RGL1: variants seen among roughly 807,000 people sequenced by gnomAD.
RGL1 encodes ral guanine nucleotide dissociation stimulator-like 1.
A neutral mutation model predicts 95.2 loss-of-function variants in RGL1; 24 were observed. That is an observed-to-expected ratio of 0.25 (90% CI 0.18 to 0.35). RGL1 has a LOEUF of 0.35. Among genes scored for constraint, RGL1 ranks in the 10% least tolerant of loss-of-function variants. The pLI, the probability that RGL1 is intolerant of heterozygous loss-of-function variation, is 1.00. For missense variants in RGL1, 715 were observed against 936.3 expected (o/e 0.76, Z 3.08); for synonymous variants, 329 against 344.9 (o/e 0.95, Z 0.51).
chr1:183,831,945 A>G (rs1663286944), intron 2 of RGL1, among the ~76,000 whole-genome samples: 1 of 152,194 alleles, frequency 6.6e-6, no homozygotes, highest in African/African-American at 2.4e-5. Flanking sequence ...GGGCATATAC[A>G]CTCATTTCTG....
At chr1:183,850,193 T>C (rs1664748108) in intron 3 of RGL1, among the ~76,000 whole-genome samples, 1 of 152,240 alleles carries the variant, frequency 6.6e-6, no homozygotes, top group African/African-American at 2.4e-5. Context: ...CCTTTTCATA[T>C]CCTTTTGCCT....
chr1:183,671,938 CT>C (rs545807956), intron 1 of RGL1, among the ~76,000 whole-genome samples: 78 of 137,770 alleles, frequency 5.7e-4, no homozygotes, highest in South Asian at 1.8e-3. Context: ...TTTTTTTTTT[CT>C]TTTTTTTTTT....
At chr1:183,851,493 A>G (rs528424762) in intron 3 of RGL1, among the ~76,000 whole-genome samples, 1 of 152,300 alleles carries the variant, frequency 6.6e-6, no homozygotes, top group East Asian at 1.9e-4. Context: ...CTCAGATTAC[A>G]TATGGCTTCA....
At chr1:183,698,309 G>C (rs1014197447) in intron 1 of RGL1, among the ~76,000 whole-genome samples, 1 of 152,146 alleles carries the variant, frequency 6.6e-6, no homozygotes, top group Admixed American at 6.5e-5. Flanking sequence ...GCTTCCAACT[G>C]TTGCTAGTCC....
intron 5 of RGL1, 98 bp downstream of exon 5, chr1:183,880,898 T>G (rs1666789698): frequency 9.0e-7 from 1 of 1,113,158 alleles, no homozygotes. Flanking sequence ...TAGGAAACCT[T>G]GGTACCCTCA....
intron 12 of RGL1, 92 bp from the exon 13 acceptor site, chr1:183,904,758 T>A: frequency 7.7e-7 from 1 of 1,293,400 alleles, no homozygotes; most frequent in South Asian, 1.5e-5. Flanking sequence ...TTTATCCTAA[T>A]GTGGTATATT....
At chr1:183,723,387 C>A (rs184800464) in intron 1 of RGL1, among the ~76,000 whole-genome samples, 1 of 152,354 alleles carries the variant, frequency 6.6e-6, no homozygotes, top group Non-Finnish European at 1.5e-5. Context: ...GTTTTAACTT[C>A]ATGTCACTGA....
intron 1 of RGL1, among the ~76,000 whole-genome samples, chr1:183,713,245 C>T (rs1558167465): frequency 2.0e-5 from 3 of 151,752 alleles, no homozygotes; most frequent in South Asian, 4.2e-4. Context: ...GGGCTGGTCT[C>T]GAACTCCTGA....
chr1:183,801,995 A>G (rs931227844), upstream of RGL1, among the ~76,000 whole-genome samples: 2 of 152,212 alleles, frequency 1.3e-5, no homozygotes, highest in Admixed American at 1.3e-4. Context: ...TTTCAACATA[A>G]GATTATGAGG....
chr1:183,831,406 AG>A (rs747290985), intron 2 of RGL1, among the ~76,000 whole-genome samples: 1 of 152,170 alleles, frequency 6.6e-6, no homozygotes, highest in African/African-American at 2.4e-5. Flanking sequence ...GGAGATAGGT[AG>A]GAAGGGCTTT....
At position 183,663,806 on chromosome 1, in the gene RGL1, G is replaced by A. The variant is rs367885353; in HGVS notation, c.-33+27305G>A. The stretch of plus-strand genomic sequence containing the variant: ...CTATTCACAATAGCAAAGACTTGGA[G>A]CCAACCCAAATGTCCAACAACGATA... On this transcript the variant is annotated intron_variant, in intron 1 of 18. Coordinates refer to the RGL1 transcript ENST00000304685. Among the ~76,000 whole-genome samples, 44 of 150,928 alleles carry A rather than the reference G, an allele frequency of 2.9e-4. 1 individual carries two copies. Among genetic ancestry groups the A allele is most frequent in the East Asian group, 1.2e-3 (6 of 5,164 alleles).
intron 14 of RGL1, among the ~76,000 whole-genome samples, chr1:183,911,792 C>T (rs971667454): frequency 6.6e-6 from 1 of 152,158 alleles, no homozygotes; most frequent in Non-Finnish European, 1.5e-5. Flanking sequence ...TATCTTGATC[C>T]TGCCAAGGTG....
At chr1:183,887,748 G>C (rs996431367) in intron 7 of RGL1, among the ~76,000 whole-genome samples, 1 of 152,114 alleles carries the variant, frequency 6.6e-6, no homozygotes, top group Non-Finnish European at 1.5e-5. Context: ...TTTAAATAGG[G>C]AGCCTCTCTC....
At chr1:183,815,328 T>A (rs540032871) in intron 2 of RGL1, among the ~76,000 whole-genome samples, 71 of 152,258 alleles carry the variant, frequency 4.7e-4, no homozygotes, top group African/African-American at 1.7e-3. Flanking sequence ...AGATAAATGA[T>A]ACTCCTAAAT....
At chr1:183,845,087 A>G (rs1266164639) in intron 2 of RGL1, among the ~76,000 whole-genome samples, 1 of 152,194 alleles carries the variant, frequency 6.6e-6, no homozygotes, top group Non-Finnish European at 1.5e-5. Context: ...TAAGCACAAT[A>G]TCATCATTAG....
chr1:183,639,066 G>A (rs1040407999), intron 1 of RGL1, among the ~76,000 whole-genome samples: 2 of 152,172 alleles, frequency 1.3e-5, no homozygotes, highest in African/African-American at 4.8e-5. Flanking sequence ...GATCACTTGA[G>A]GTGAGGAGTT....
At chr1:183,655,099 G>A (rs1392699193) in intron 1 of RGL1, among the ~76,000 whole-genome samples, 2 of 152,160 alleles carry the variant, frequency 1.3e-5, no homozygotes, top group Non-Finnish European at 2.9e-5. Flanking sequence ...TCATTCAGAT[G>A]AGTTATGATG....
chr1:183,794,055 GACACACACACACACAC>G (rs147087444), intron 2 of RGL1, among the ~76,000 whole-genome samples: 5 of 146,024 alleles, frequency 3.4e-5, no homozygotes, highest in African/African-American at 1.0e-4. Flanking sequence ...AGAAAATGTG[GACACACACACACACAC>G]ACACACACAC....
At chr1:183,643,612 A>C (rs920539518) in intron 1 of RGL1, among the ~76,000 whole-genome samples, 1 of 151,814 alleles carries the variant, frequency 6.6e-6, no homozygotes, top group African/African-American at 2.4e-5. Flanking sequence ...TTTATAAAAA[A>C]AATTACTTTA....
Sources: allele counts gnomAD v4.1 joint callset (sites outside exome capture counted in the v4.1 genomes callset), GRCh38; gene constraint gnomAD v4.1.1; transcripts MANE v1.5; gene names NCBI Gene and HGNC (gene_info 2026-07-23, HGNC 2026-07-21).